The following BCAR3 variants were observed in gnomAD, a reference collection of about 807,000 sequenced individuals.
BCAR3 encodes breast cancer anti-estrogen resistance protein 3.
Under a neutral mutation model 80.1 loss-of-function variants are expected in BCAR3, and 37 were observed. The ratio of observed to expected loss-of-function variants is 0.46; its 90% CI spans 0.36 to 0.61. The LOEUF (loss-of-function observed/expected upper bound fraction) is 0.61, where lower values mean the gene tolerates loss of function less well. BCAR3 is among the 20% of genes least tolerant of loss of function. BCAR3 has a pLI of 0.00. For synonymous variants in BCAR3, 389 were observed against 418.9 expected, an observed-to-expected ratio of 0.93 and a Z score of 0.87; for missense variants, 978 against 1,068.2, an observed-to-expected ratio of 0.92 and a Z score of 1.18.
In BCAR3 at chr1:93,841,185, C is replaced by T. The variant is rs140206251; in HGVS notation, c.-63+4382G>A. ...CTTAGCCTTGCATTTGAAGCGCTTC[C>T]GGATCTTTGCCCCACTGACTTTCTC... On this transcript the variant is annotated intron_variant, in intron 2 of 13. Transcript: ENST00000370244. Among the ~76,000 whole-genome samples, 64 of 152,264 alleles carry T rather than the reference C, an allele frequency of 4.2e-4. 1 individual carries two copies. Among genetic ancestry groups the T allele is most frequent in the Admixed American group, 2.3e-3 (35 of 15,296 alleles).
At chr1:93,583,207 C>G (rs1310919747) in intron 6 of BCAR3, among the ~76,000 whole-genome samples, 1 of 152,178 alleles carries the variant, frequency 6.6e-6, no homozygotes, top group Non-Finnish European at 1.5e-5. Context: ...ACTGCTGACA[C>G]CTGGGCTACA....
At chr1:93,735,869 C>T (rs1650955579) in intron 2 of BCAR3, among the ~76,000 whole-genome samples, 1 of 152,226 alleles carries the variant, frequency 6.6e-6, no homozygotes, top group Non-Finnish European at 1.5e-5. Context: ...TGGTGGCCTT[C>T]CTATGGATTC....
chr1:93,829,897 G>T (rs2100831831), intron 2 of BCAR3, among the ~76,000 whole-genome samples: 1 of 152,272 alleles, frequency 6.6e-6, no homozygotes, highest in East Asian at 1.9e-4. Context: ...GATCATGGGG[G>T]TGGAATTCTC....
chr1:93,661,528 C>T (rs2101931492), intron 2 of BCAR3, among the ~76,000 whole-genome samples: 1 of 151,380 alleles, frequency 6.6e-6, no homozygotes. Context: ...GCTCTGTTGC[C>T]CCAGGCTGGA....
At chr1:93,713,014 A>G (rs755608481) in intron 2 of BCAR3, among the ~76,000 whole-genome samples, 23 of 152,198 alleles carry the variant, frequency 1.5e-4, no homozygotes, top group Non-Finnish European at 2.4e-4. Flanking sequence ...CTAGGGCAAT[A>G]CAGTTCAGTA....
intron 2 of BCAR3, among the ~76,000 whole-genome samples, chr1:93,712,111 G>A (rs1374166941): frequency 1.3e-5 from 2 of 152,214 alleles, no homozygotes; most frequent in Non-Finnish European, 2.9e-5. Flanking sequence ...GGTGGCTACT[G>A]TTGTGGGGTG....
At chr1:93,820,428 CT>C (rs1460979849) in intron 2 of BCAR3, among the ~76,000 whole-genome samples, 1 of 152,328 alleles carries the variant, frequency 6.6e-6, no homozygotes, top group Non-Finnish European at 1.5e-5. Flanking sequence ...GACTGACCAG[CT>C]ATAAATTGGG....
intron 2 of BCAR3, among the ~76,000 whole-genome samples, chr1:93,717,036 C>T (rs554273873): frequency 2.0e-5 from 3 of 152,320 alleles, no homozygotes; most frequent in South Asian, 4.1e-4. Context: ...ATGAACAGAA[C>T]GCAGAGGTTA....
intron 3 of BCAR3, chr1:93,613,941 T>G (rs968998096): frequency 5.8e-6 from 9 of 1,550,398 alleles, no homozygotes; most frequent in Non-Finnish European, 7.8e-6. Flanking sequence ...CTTTCGGTCT[T>G]CAGTCCCGGG....
chr1:93,689,472 A>G (rs1649092789), intron 3 of BCAR3, among the ~76,000 whole-genome samples: 1 of 151,774 alleles, frequency 6.6e-6, no homozygotes, highest in East Asian at 1.9e-4. Context: ...CGGAGGTAGC[A>G]GTGAGCCGAG....
At chr1:93,721,653 G>A (rs555726232) in intron 2 of BCAR3, among the ~76,000 whole-genome samples, 5 of 152,288 alleles carry the variant, frequency 3.3e-5, no homozygotes, top group East Asian at 1.9e-4. Flanking sequence ...GAAGGAGAAC[G>A]ACCCCTCACC....
upstream of BCAR3, among the ~76,000 whole-genome samples, chr1:93,684,044 C>T (rs1456492163): frequency 1.3e-5 from 2 of 152,094 alleles, no homozygotes; most frequent in African/African-American, 4.8e-5. Context: ...GAGTACCTTT[C>T]GCTTATGAGT....
At chr1:93,709,517 C>G (rs1385021547) in intron 2 of BCAR3, among the ~76,000 whole-genome samples, 1 of 152,200 alleles carries the variant, frequency 6.6e-6, no homozygotes, top group Non-Finnish European at 1.5e-5. Flanking sequence ...TGGCCAGGGG[C>G]TCCAGGACAC....
Position 93,629,105 on chromosome 1 carries a change from T to G in BCAR3, c.357+13199A>C, listed in dbSNP as rs200597200. Among the ~76,000 whole-genome samples the G allele has an allele frequency of 1.2e-3, 181 of 152,304 alleles. 3 individuals carry two copies. The East Asian group carries it at 0.034, about 28-fold the overall frequency. ...TATATGTAGTTAGACAGTTTGGCAA[T>G]AAATAAAATTCCTCCCAAACTCATT... is the stretch of plus-strand genomic sequence containing the variant. On this transcript the variant is annotated intron_variant, in intron 3 of 11. Transcript: ENST00000260502.
At chr1:93,612,987 G>A (rs1388102582) in intron 3 of BCAR3, among the ~76,000 whole-genome samples, 3 of 152,178 alleles carry the variant, frequency 2.0e-5, no homozygotes, top group Admixed American at 6.5e-5. Context: ...GAAAGAAGCA[G>A]AACATCATAA....
chr1:93,640,361 T>C (rs1675939514), intron 3 of BCAR3, among the ~76,000 whole-genome samples: 1 of 152,006 alleles, frequency 6.6e-6, no homozygotes. Flanking sequence ...ATACATACCC[T>C]ACATTGGCTC....
intron 2 of BCAR3, among the ~76,000 whole-genome samples, chr1:93,772,771 A>T (rs1430361168): frequency 6.6e-6 from 1 of 151,906 alleles, no homozygotes; most frequent in Non-Finnish European, 1.5e-5. Flanking sequence ...ACGCCCAGCT[A>T]ATTTTTGTAT....
At chr1:93,579,454 G>A (rs149730818) in intron 7 of BCAR3, among the ~76,000 whole-genome samples, 130 of 152,124 alleles carry the variant, frequency 8.5e-4, no homozygotes, top group African/African-American at 3.0e-3. Flanking sequence ...GCTCCTGCTC[G>A]CTGCCTGGGG....
intron 2 of BCAR3, among the ~76,000 whole-genome samples, chr1:93,717,589 A>C (rs554308992): frequency 2.0e-5 from 3 of 152,142 alleles, no homozygotes; most frequent in Admixed American, 2.0e-4. Flanking sequence ...TTAGCTGGGC[A>C]TGGTGGCATG....
Sources: gnomAD v4.1 joint callset for allele counts (sites outside exome capture counted in the v4.1 genomes callset) on GRCh38, gnomAD v4.1.1 for gene constraint, MANE v1.5 for transcripts, NCBI Gene and HGNC (gene_info 2026-07-23, HGNC 2026-07-21) for gene names.